DCDC1: variants seen among roughly 807,000 people sequenced by gnomAD.
The protein encoded by DCDC1 is doublecortin domain containing 1.
DCDC1 carries 200 observed loss-of-function variants against 178.3 expected under a neutral mutation model. The ratio of observed to expected loss-of-function variants is 1.12; its 90% CI spans 1.00 to 1.26. DCDC1 has a LOEUF of 1.26. Among genes scored for constraint, DCDC1 ranks in the 50% most tolerant of loss-of-function variants. The pLI, the probability that DCDC1 is intolerant of heterozygous loss-of-function variation, is 0.00. For missense variants in DCDC1, 1,983 were observed against 1,749.2 expected, an observed-to-expected ratio of 1.13 and a Z score of -2.38; for synonymous variants, 690 against 604.8, an observed-to-expected ratio of 1.14 and a Z score of -2.07.
At chr11:31,043,985 C>T (rs952883581) in intron 20 of DCDC1, among the ~76,000 whole-genome samples, 11 of 152,020 alleles carry the variant, frequency 7.2e-5, no homozygotes, top group Admixed American at 5.9e-4. Context: ...TTTTACAAAT[C>T]GCCCTCAAAG....
At chr11:30,912,740 G>A (rs946588256) in intron 27 of DCDC1, among the ~76,000 whole-genome samples, 1 of 152,136 alleles carries the variant, frequency 6.6e-6, no homozygotes, top group African/African-American at 2.4e-5. Flanking sequence ...CCTTGGGGAG[G>A]GGACCCCATT....
intron 3 of DCDC1, among the ~76,000 whole-genome samples, chr11:31,325,851 A>G (rs773187071): frequency 6.6e-6 from 1 of 152,162 alleles, no homozygotes. Context: ...AGATGGTAGA[A>G]GAAAGGTGGC....
chr11:30,911,504 C>T, intron 27 of DCDC1, 84 bp from the exon 28 acceptor site: 2 of 988,622 alleles, frequency 2.0e-6, no homozygotes, highest in Non-Finnish European at 3.2e-6. Context: ...TGTGTTGCCT[C>T]TCAGCTCCAT....
chr11:31,131,857 G>A (rs558424701), intron 10 of DCDC1, among the ~76,000 whole-genome samples: 3 of 152,242 alleles, frequency 2.0e-5, no homozygotes, highest in Non-Finnish European at 4.4e-5. Context: ...AAAAAGGGAG[G>A]AAACTCAGAC....
chr11:31,045,735 T>C (rs1156852249), intron 20 of DCDC1, among the ~76,000 whole-genome samples: 1 of 152,114 alleles, frequency 6.6e-6, no homozygotes, highest in Non-Finnish European at 1.5e-5. Context: ...ATAAGTGCAG[T>C]CAAGTAATTT....
At chr11:31,022,507 G>A (rs571708878) in intron 20 of DCDC1, among the ~76,000 whole-genome samples, 3 of 151,976 alleles carry the variant, frequency 2.0e-5, no homozygotes, top group Admixed American at 1.3e-4. Context: ...CATATCTTTT[G>A]GGGATACAAT....
intron 3 of DCDC1, among the ~76,000 whole-genome samples, chr11:31,313,786 G>C (rs1948905783): frequency 6.6e-6 from 1 of 152,024 alleles, no homozygotes; most frequent in African/African-American, 2.4e-5. Flanking sequence ...TCTAGAAAAT[G>C]GTCTTTTGTC....
intron 9 of DCDC1, among the ~76,000 whole-genome samples, chr11:31,161,832 T>C (rs909219762): frequency 1.3e-5 from 2 of 152,202 alleles, no homozygotes; most frequent in African/African-American, 4.8e-5. Flanking sequence ...AGTGGTACTG[T>C]TGTTGTTTTT....
intron 20 of DCDC1, among the ~76,000 whole-genome samples, chr11:30,975,433 C>A (rs1439318665): frequency 6.6e-6 from 1 of 151,940 alleles, no homozygotes; most frequent in East Asian, 1.9e-4. Context: ...GTCAAACTGT[C>A]CCTCTTTGCA....
intron 20 of DCDC1, among the ~76,000 whole-genome samples, chr11:31,006,194 CT>C (rs1295308830): frequency 6.6e-6 from 1 of 152,024 alleles, no homozygotes; most frequent in African/African-American, 2.4e-5. Context: ...TCATTCAATT[CT>C]TTTTGAAACT....
intron 21 of DCDC1, chr11:30,943,568 C>G (rs1161064312): frequency 2.5e-6 from 1 of 394,122 alleles, no homozygotes; most frequent in Non-Finnish European, 5.1e-6. Context: ...ATATGAAAAT[C>G]CATTGCTCCT....
chr11:31,118,867 T>C (rs1368851546), intron 11 of DCDC1, among the ~76,000 whole-genome samples: 2 of 152,182 alleles, frequency 1.3e-5, no homozygotes, highest in South Asian at 2.1e-4. Context: ...CCCAGACCAA[T>C]TGCTCTTCCC....
At chr11:31,312,980 A>G (rs796158290) in intron 3 of DCDC1, among the ~76,000 whole-genome samples, 6 of 152,196 alleles carry the variant, frequency 3.9e-5, no homozygotes, top group South Asian at 2.1e-4. Flanking sequence ...ACAGAGCAAG[A>G]CCTCGTCTCT....
chr11:31,019,138 T>C (rs1952693304), intron 20 of DCDC1, among the ~76,000 whole-genome samples: 1 of 152,196 alleles, frequency 6.6e-6, no homozygotes, highest in African/African-American at 2.4e-5. Context: ...AGTATCCTCA[T>C]CTATAAAATG....
chr11:30,951,489 C>T (rs560763985), intron 21 of DCDC1, among the ~76,000 whole-genome samples: 15 of 152,034 alleles, frequency 9.9e-5, no homozygotes, highest in East Asian at 5.8e-4. Context: ...CTGGAACATA[C>T]GAAGAAATTA....
intron 21 of DCDC1, among the ~76,000 whole-genome samples, chr11:30,949,447 T>C (rs1440047700): frequency 1.3e-5 from 2 of 152,164 alleles, no homozygotes; most frequent in Non-Finnish European, 2.9e-5. Context: ...GACAGTGTGG[T>C]GATTCCTCAA....
At position 31,149,715 on chromosome 11, in the gene DCDC1, C is replaced by T. The variant is rs58539060; in HGVS notation, c.1222-11931G>A. ...CAGGAGGAACAAACAACTCCAGATG[C>T]GCCACCTTTAAGAGCTGTATCACTC... is the stretch of plus-strand genomic sequence containing the variant. On this transcript the variant is annotated intron_variant, in intron 9 of 38. Transcript: ENST00000684477. Among the ~76,000 whole-genome samples, 1,361 of 151,874 alleles carry T rather than the reference C, an allele frequency of 9.0e-3. 22 individuals are homozygous for T. Among genetic ancestry groups the T allele is most frequent in the African/African-American group, 0.032 (1,306 of 41,382 alleles).
intron 35 of DCDC1, 45 bp from the exon 36 acceptor site, chr11:30,893,042 G>C (rs762119017): frequency 1.3e-6 from 2 of 1,591,268 alleles, no homozygotes; most frequent in Admixed American, 3.6e-5. Flanking sequence ...AGAACTGTCT[G>C]GATAGTGTTT....
chr11:31,129,134 G>A (rs1275985132), intron 10 of DCDC1, among the ~76,000 whole-genome samples: 1 of 151,688 alleles, frequency 6.6e-6, no homozygotes, highest in Non-Finnish European at 1.5e-5. Flanking sequence ...ATTCAGAGAA[G>A]TTAGTGACAG....
Sources: gnomAD v4.1 joint callset for allele counts (sites outside exome capture counted in the v4.1 genomes callset) on GRCh38, gnomAD v4.1.1 for gene constraint, MANE v1.5 for transcripts, NCBI Gene and HGNC (gene_info 2026-07-23, HGNC 2026-07-21) for gene names.